Variants in KIF26B observed in about 807,000 individuals in gnomAD.
The protein encoded by KIF26B is kinesin-like protein KIF26B.
KIF26B carries 63 observed loss-of-function variants against 151.2 expected under a neutral mutation model. The ratio of observed to expected loss-of-function variants is 0.42; its 90% CI spans 0.34 to 0.51. The LOEUF is 0.51. Among genes scored for constraint, KIF26B ranks in the 20% least tolerant of loss-of-function variants. The pLI is 0.07. For missense variants in KIF26B, 2,813 were observed against 2,913.6 expected (o/e 0.97, Z 0.79); for synonymous variants, 1,357 against 1,262.1 (o/e 1.08, Z -1.59).
chr1:245,437,060 T>C (rs963406174), intron 4 of KIF26B, among the ~76,000 whole-genome samples: 3 of 152,090 alleles, frequency 2.0e-5, no homozygotes, highest in African/African-American at 7.2e-5. Flanking sequence ...CTAATTTTTG[T>C]AATTTTAGTA....
At chr1:245,387,757 A>G (rs114411211) in intron 3 of KIF26B, among the ~76,000 whole-genome samples, 2,976 of 152,270 alleles carry the variant, frequency 0.02, 88 homozygotes, top group African/African-American at 0.067. Flanking sequence ...GCATGATACC[A>G]GCAGCAGACA....
intron 14 of KIF26B, 55 bp downstream of exon 14, chr1:245,699,092 G>A (rs1262703127): frequency 1.0e-5 from 16 of 1,563,940 alleles, no homozygotes; most frequent in Non-Finnish European, 1.4e-5. Flanking sequence ...CTGCTCAACC[G>A]GGCTGGCGTG....
At position 245,467,634 on chromosome 1, in the gene KIF26B, C is replaced by T. The variant is rs542541744; in HGVS notation, c.1166+47889C>T. Among the ~76,000 whole-genome samples, 8 of 152,260 alleles carry T rather than the reference C, an allele frequency of 5.3e-5. No homozygotes were observed. The South Asian group carries it at 1.2e-3, about 24-fold the overall frequency. ...TGGAGGCCGGGCGCGGTGGCTCATG[C>T]CTGTAATCTCAGCACTTTGGGAGGC... On this transcript the variant is annotated intron_variant, in intron 4 of 14. Transcript: ENST00000407071.
chr1:245,358,517 C>A lies in KIF26B; in HGVS notation c.466-8317C>A, dbSNP rs1307812134. ...CCTGGGCTACAGAGTGAGACTCCGTCTCAAAACAAAACAAAACAAAACAAA... is the reference window on the plus strand; with the variant it reads ...CCTGGGCTACAGAGTGAGACTCCGTATCAAAACAAAACAAAACAAAACAAA... On this transcript the variant is annotated intron_variant, in intron 2 of 14. Coordinates refer to ENST00000407071, the MANE Select transcript of KIF26B (RefSeq NM_018012.4). This position sits in a 1 kb window ranked among gnomAD's most constrained non-coding sequence, Gnocchi z 4.1. 6.6e-6 allele frequency among the ~76,000 whole-genome samples: 1 copy of A among 150,900 alleles called. No individual in the cohort carries two copies. The highest frequency in any genetic ancestry group is 2.5e-5 in the African/African-American group (1 of 40,282).
At chr1:245,390,935 A>ACAAAC (rs916888416) in intron 3 of KIF26B, among the ~76,000 whole-genome samples, 5 of 144,878 alleles carry the variant, frequency 3.5e-5, no homozygotes, top group Admixed American at 1.4e-4. Context: ...AAAAAAAAAA[A>ACAAAC]AAAAAAAAAA....
chr1:245,202,991 A>G (rs1669331965), intron 2 of KIF26B, among the ~76,000 whole-genome samples: 1 of 151,158 alleles, frequency 6.6e-6, no homozygotes, highest in Admixed American at 6.6e-5. Flanking sequence ...GCGGTGGCTC[A>G]TGCCTGTAAT....
At position 245,244,266 on chromosome 1, in the gene KIF26B, A is replaced by AT. The variant is rs1670272173; in HGVS notation, c.465+87590dup. Among the ~76,000 whole-genome samples, 1 of 151,356 alleles carries AT rather than the reference A, an allele frequency of 6.6e-6. No homozygotes were observed. The highest frequency in any genetic ancestry group is 1.5e-5 in the Non-Finnish European group (1 of 67,916). On this transcript the variant is annotated intron_variant, in intron 2 of 14. Coordinates refer to ENST00000407071, the MANE Select transcript of KIF26B (RefSeq NM_018012.4). The surrounding 1 kb of genome is among the most constrained non-coding windows in gnomAD (Gnocchi z 4.2). ...GCCACTGTACCTGGCCTCCTTTTAT[A>AT]TTTTTTTCTAAATATCATTCTATAT...
rs1331750756 is a variant in KIF26B at position 245,497,742 on chromosome 1, G to GTTATTTAT, written c.1167-43014_1167-43007dup. 1.3e-5 allele frequency among the ~76,000 whole-genome samples: 2 copies of GTTATTTAT among 152,100 alleles called. 1 individual carries two copies. On this transcript the variant is annotated intron_variant, in intron 4 of 14. Coordinates refer to ENST00000407071, the MANE Select transcript of KIF26B (RefSeq NM_018012.4). ...ATTATACTATGTATACTGAAGGACT[G>GTTATTTAT]TTATTTATTTATTTATTTTAAGACA... is the stretch of plus-strand genomic sequence containing the variant.
At chr1:245,668,409 C>A (rs2044241705) in intron 10 of KIF26B, among the ~76,000 whole-genome samples, 2 of 151,778 alleles carry the variant, frequency 1.3e-5, no homozygotes, top group East Asian at 1.9e-4. Flanking sequence ...CTAAAAAACT[C>A]TAATCTTAAT....
intron 2 of KIF26B, among the ~76,000 whole-genome samples, chr1:245,185,652 G>A (rs1334770994): frequency 6.6e-6 from 1 of 152,248 alleles, no homozygotes; most frequent in East Asian, 1.9e-4. Context: ...TTACAGACCA[G>A]CTTCAAGGAT....
chr1:245,586,098 G>A lies in KIF26B; in HGVS notation c.1351-16479G>A, dbSNP rs550862230. Among the ~76,000 whole-genome samples the A allele has an allele frequency of 6.6e-4, 101 of 152,184 alleles. 1 individual carries two copies. Among genetic ancestry groups the A allele is most frequent in the African/African-American group, 2.4e-3 (99 of 41,514 alleles). On this transcript the variant is annotated intron_variant, in intron 5 of 14. Transcript: ENST00000407071. Reference sequence around the variant, plus strand: ...TATAACCTCAAACTTCTAGGTTCAAGTGCTCCTCCTGCCTCAGCCTCCCAA... The same window carrying A: ...TATAACCTCAAACTTCTAGGTTCAAATGCTCCTCCTGCCTCAGCCTCCCAA...
At position 245,564,903 on chromosome 1, in the gene KIF26B, A is replaced by G. The variant is rs1224991036; in HGVS notation, c.1350+23953A>G. On this transcript the variant is annotated intron_variant, in intron 5 of 14. Coordinates refer to ENST00000407071, the MANE Select transcript of KIF26B (RefSeq NM_018012.4). The surrounding 1 kb of genome is among the most constrained non-coding windows in gnomAD (Gnocchi z 4.6). The stretch of plus-strand genomic sequence containing the variant: ...CCATGAGAATCTAATGCTGCTGCTG[A>G]TCTGACGGGAGGCAGAGTTCAAGTG... Among the ~76,000 whole-genome samples the G allele has an allele frequency of 6.6e-6, 1 of 152,164 alleles. No individual in the cohort carries two copies. The highest frequency in any genetic ancestry group is 1.9e-4 in the East Asian group (1 of 5,182).
At chr1:245,199,056 T>A (rs190495279) in intron 2 of KIF26B, among the ~76,000 whole-genome samples, 1 of 150,292 alleles carries the variant, frequency 6.7e-6, no homozygotes, top group South Asian at 2.1e-4. Flanking sequence ...CTTCATTCAT[T>A]TTACAGATGA....
chr1:245,658,727 G>T (rs796941428), intron 10 of KIF26B, among the ~76,000 whole-genome samples: 1 of 152,074 alleles, frequency 6.6e-6, no homozygotes, highest in Non-Finnish European at 1.5e-5. Context: ...AAAATTCTTG[G>T]ATTCCTTCCT....
At chr1:245,604,813 G>A (rs1201946458) in intron 6 of KIF26B, among the ~76,000 whole-genome samples, 1 of 152,096 alleles carries the variant, frequency 6.6e-6, no homozygotes, top group Non-Finnish European at 1.5e-5. Flanking sequence ...TAAATTACAT[G>A]TCTGTATAAA....
rs111616325 is a variant in KIF26B at position 245,600,195 on chromosome 1, T to C, written c.1351-2382T>C. 2.5e-3 allele frequency among the ~76,000 whole-genome samples: 278 copies of C among 112,080 alleles called. 5 individuals are homozygous for C. The highest frequency in any genetic ancestry group is 5.8e-3 in the East Asian group (21 of 3,592). 73.5% of individuals were successfully genotyped at this position (112,080 alleles called of 152,430 possible). On this transcript the variant is annotated intron_variant, in intron 5 of 14. Transcript: ENST00000407071. Reference sequence around the variant, plus strand: ...CTGGGACTACAGGCGCCCGCCACCATGCCCGGCTAATTTTTTGTATTTTTA... The same window carrying C: ...CTGGGACTACAGGCGCCCGCCACCACGCCCGGCTAATTTTTTGTATTTTTA...
chr1:245,378,717 G>A (rs1420336283), intron 3 of KIF26B, among the ~76,000 whole-genome samples: 2 of 152,146 alleles, frequency 1.3e-5, no homozygotes, highest in Non-Finnish European at 2.9e-5. Flanking sequence ...AAAGTCTGAG[G>A]CTGATACTCA....
rs1672571156 is a variant in KIF26B at position 245,351,639 on chromosome 1, C to A, written c.466-15195C>A. Reference sequence around the variant, plus strand: ...TATCCCAGTCTTACTGATGAGGAAACCAAGGCTCAAGAAGATTGAATGATT... The same window carrying A: ...TATCCCAGTCTTACTGATGAGGAAAACAAGGCTCAAGAAGATTGAATGATT... On this transcript the variant is annotated intron_variant, in intron 2 of 14. Coordinates refer to ENST00000407071, the MANE Select transcript of KIF26B (RefSeq NM_018012.4). Among the ~76,000 whole-genome samples, 3 of 152,170 alleles carry A rather than the reference C, an allele frequency of 2.0e-5. No homozygotes were observed. The South Asian group carries it at 6.2e-4, about 32-fold the overall frequency.
At chr1:245,658,941 A>G (rs1313666786) in intron 10 of KIF26B, among the ~76,000 whole-genome samples, 1 of 152,062 alleles carries the variant, frequency 6.6e-6, no homozygotes, top group East Asian at 1.9e-4. Flanking sequence ...TCATCTAGAT[A>G]ATGATAGAGG....
Sources: allele counts gnomAD v4.1 joint callset (sites outside exome capture counted in the v4.1 genomes callset), GRCh38; gene constraint gnomAD v4.1.1; non-coding constraint Gnocchi (gnomAD v3.1); transcripts MANE v1.5; gene names NCBI Gene and HGNC (gene_info 2026-07-23, HGNC 2026-07-21).